NALF1: variants seen among roughly 807,000 people sequenced by gnomAD.
The protein encoded by NALF1 is family with sequence similarity 155 member A.
Under a neutral mutation model 48.4 loss-of-function variants are expected in NALF1, and 3 were observed. That is an observed-to-expected ratio of 0.06 (90% CI 0.03 to 0.16). The LOEUF (loss-of-function observed/expected upper bound fraction) is 0.16. NALF1 is among the 10% of genes least tolerant of loss of function. The probability of loss-of-function intolerance (pLI) is 1.00; values close to 1 mark genes in which losing one functional copy is unlikely to be tolerated. For missense variants in NALF1, 526 were observed against 571.5 expected (o/e 0.92, Z 0.81); for synonymous variants, 262 against 245.7 (o/e 1.07, Z -0.62).
chr13:107,498,748 T>C (rs1040470056), intron 1 of NALF1, among the ~76,000 whole-genome samples: 13 of 152,178 alleles, frequency 8.5e-5, no homozygotes, highest in African/African-American at 2.9e-4. Flanking sequence ...CTTTTATTGT[T>C]TTGACAATGA....
intron 1 of NALF1, among the ~76,000 whole-genome samples, chr13:107,577,693 C>A (rs1878192688): frequency 6.6e-6 from 1 of 152,060 alleles, no homozygotes; most frequent in South Asian, 2.1e-4. Context: ...GTTACATTTT[C>A]TCTCCCTCAA....
chr13:107,358,384 G>A (rs1566494665), intron 1 of NALF1, among the ~76,000 whole-genome samples: 1 of 152,134 alleles, frequency 6.6e-6, no homozygotes, highest in South Asian at 2.1e-4. Flanking sequence ...GCTTCAGTGG[G>A]ATCCAGGTGA....
At chr13:107,375,107 T>C (rs1883314645) in intron 1 of NALF1, among the ~76,000 whole-genome samples, 1 of 152,218 alleles carries the variant, frequency 6.6e-6, no homozygotes, top group Non-Finnish European at 1.5e-5. Context: ...TTGCATTAAT[T>C]TGAATAGGAT....
At chr13:107,825,230 C>G (rs1034140387) in intron 1 of NALF1, among the ~76,000 whole-genome samples, 2 of 152,014 alleles carry the variant, frequency 1.3e-5, no homozygotes, top group African/African-American at 4.8e-5. Flanking sequence ...TCCAAAATTC[C>G]CTCAGCTGCA....
intron 1 of NALF1, among the ~76,000 whole-genome samples, chr13:107,233,716 G>A (rs1015262732): frequency 1.3e-5 from 2 of 152,194 alleles, no homozygotes; most frequent in Admixed American, 1.3e-4. Flanking sequence ...AGGAAGAGCA[G>A]AGCAACAATC....
intron 1 of NALF1, among the ~76,000 whole-genome samples, chr13:107,527,156 T>A (rs1367528286): frequency 2.6e-5 from 4 of 152,182 alleles, no homozygotes; most frequent in African/African-American, 9.6e-5. Context: ...CAGATAGGAC[T>A]ATGATGTGCT....
At chr13:107,420,480 C>T (rs1884166919) in intron 1 of NALF1, among the ~76,000 whole-genome samples, 1 of 152,022 alleles carries the variant, frequency 6.6e-6, no homozygotes, top group Non-Finnish European at 1.5e-5. Flanking sequence ...CTCTAACTGG[C>T]AAAAATTAAT....
At chr13:107,789,645 A>T (rs1236368200) in intron 1 of NALF1, among the ~76,000 whole-genome samples, 1 of 152,216 alleles carries the variant, frequency 6.6e-6, no homozygotes, top group Non-Finnish European at 1.5e-5. Context: ...ACTAAAATGG[A>T]AGCAAACATT....
rs555437773 is a variant in NALF1, at chr13:107,728,367, T to C, written c.915+137315A>G. 2.6e-5 allele frequency among the ~76,000 whole-genome samples: 4 copies of C among 152,050 alleles called. No individual in the cohort carries two copies. In the South Asian group the frequency reaches 8.3e-4, roughly 32 times the overall value. On this transcript the variant is annotated intron_variant, in intron 1 of 2. Coordinates refer to ENST00000375915, the MANE Select transcript of NALF1 (RefSeq NM_001080396.3). ...TTATGCAGCCATAAAAAAGAATGAGTTTATGTTCATTGCAGGGACATGGAT... is the reference window on the plus strand; with the variant it reads ...TTATGCAGCCATAAAAAAGAATGAGCTTATGTTCATTGCAGGGACATGGAT...
At chr13:107,344,944 CA>C (rs1882746363) in intron 1 of NALF1, among the ~76,000 whole-genome samples, 1 of 151,822 alleles carries the variant, frequency 6.6e-6, no homozygotes, top group South Asian at 2.1e-4. Flanking sequence ...AAGATTCTAC[CA>C]AAAAAATTGT....
At chr13:107,343,446 A>G (rs1167002075) in intron 1 of NALF1, among the ~76,000 whole-genome samples, 1 of 152,144 alleles carries the variant, frequency 6.6e-6, no homozygotes, top group Admixed American at 6.5e-5. Context: ...GTCTCACAAG[A>G]TCTGATGGTT....
chr13:107,831,128 T>C (rs1879710672), intron 1 of NALF1, among the ~76,000 whole-genome samples: 1 of 152,164 alleles, frequency 6.6e-6, no homozygotes, highest in South Asian at 2.1e-4. Context: ...CTGACACTTT[T>C]CCTACTCTGA....
In NALF1 at chr13:107,431,913, T is replaced by C. The variant is rs373482197; in HGVS notation, c.916-221158A>G. Among the ~76,000 whole-genome samples the C allele has an allele frequency of 1.5e-4, 23 of 152,322 alleles. No homozygotes were observed. In the South Asian group the frequency reaches 4.8e-3, roughly 32 times the overall value. On this transcript the variant is annotated intron_variant, in intron 1 of 2. Transcript: ENST00000375915. ...AAAACGTTGCTAAAATTAGTTTTGA[T>C]GTCCTGCGGTGAACATGAGGGACCA...
At chr13:107,287,723 T>TTTG in intron 1 of NALF1, among the ~76,000 whole-genome samples, 2 of 145,418 alleles carry the variant, frequency 1.4e-5, no homozygotes, top group African/African-American at 2.6e-5. Context: ...TTTTTTTTTT[T>TTTG]GAGACAGAGT....
intron 1 of NALF1, among the ~76,000 whole-genome samples, chr13:107,312,746 G>C (rs901404326): frequency 6.6e-6 from 1 of 152,120 alleles, no homozygotes; most frequent in Admixed American, 6.5e-5. Context: ...TGGAGAAGGG[G>C]TAACTGACCT....
intron 1 of NALF1, among the ~76,000 whole-genome samples, chr13:107,791,827 G>A (rs1878247931): frequency 6.6e-6 from 1 of 151,890 alleles, no homozygotes; most frequent in Admixed American, 6.6e-5. Flanking sequence ...AAGAGTGGTG[G>A]CGGGTACCTA....
chr13:107,284,980 A>G (rs1239648953), intron 1 of NALF1, among the ~76,000 whole-genome samples: 1 of 152,208 alleles, frequency 6.6e-6, no homozygotes, highest in African/African-American at 2.4e-5. Flanking sequence ...GAAAAGTGTA[A>G]TAACTAAAAA....
intron 2 of NALF1, among the ~76,000 whole-genome samples, chr13:107,172,596 A>C (rs1878829350): frequency 6.6e-6 from 1 of 152,208 alleles, no homozygotes; most frequent in Non-Finnish European, 1.5e-5. Flanking sequence ...ATAAAAAAAA[A>C]CTGAATTAAT....
intron 2 of NALF1, among the ~76,000 whole-genome samples, chr13:107,172,783 T>C (rs1392155567): frequency 6.6e-6 from 1 of 152,160 alleles, no homozygotes; most frequent in African/African-American, 2.4e-5. Flanking sequence ...GATCAACATT[T>C]TAGAATGCTA....
Sources: allele counts gnomAD v4.1 joint callset (sites outside exome capture counted in the v4.1 genomes callset), GRCh38; gene constraint gnomAD v4.1.1; transcripts MANE v1.5; gene names NCBI Gene and HGNC (gene_info 2026-07-23, HGNC 2026-07-21).